The following CNTRL variants were observed in gnomAD, a reference collection of about 807,000 sequenced individuals.
The protein encoded by CNTRL is 110 kDa centrosomal protein.
In CNTRL, 233 loss-of-function variants were observed where a neutral mutation model predicts 303.7. That is an observed-to-expected ratio of 0.77 (90% CI 0.69 to 0.86). The LOEUF (loss-of-function observed/expected upper bound fraction) is 0.86. CNTRL is among the 40% of genes least tolerant of loss of function. The pLI is 0.00. For synonymous variants in CNTRL, 900 were observed against 922.2 expected (o/e 0.98, Z 0.44); for missense variants, 2,524 against 2,650.6 (o/e 0.95, Z 1.05).
chr9:121,148,988 G>T, intron 24 of CNTRL, 127 bp downstream of exon 24: 1 of 804,974 alleles, frequency 1.2e-6, no homozygotes. Flanking sequence ...CTGTGATCTG[G>T]TCTTGGCCAG....
intron 2 of CNTRL, among the ~76,000 whole-genome samples, chr9:121,085,300 T>A (rs1366606776): frequency 6.6e-6 from 1 of 152,224 alleles, no homozygotes; most frequent in South Asian, 2.1e-4. Flanking sequence ...TCTGGAAATA[T>A]TCTGTTTCTT....
At chr9:121,116,540 C>T (rs1170918024) in intron 11 of CNTRL, among the ~76,000 whole-genome samples, 2 of 152,182 alleles carry the variant, frequency 1.3e-5, no homozygotes, top group East Asian at 3.9e-4. Flanking sequence ...CCAGGCTGGT[C>T]TTGAACTCTT....
At chr9:121,086,905 G>C (rs904008303) in intron 2 of CNTRL, among the ~76,000 whole-genome samples, 1 of 151,992 alleles carries the variant, frequency 6.6e-6, no homozygotes, top group Admixed American at 6.6e-5. Context: ...CACCTGACTC[G>C]GCCTCCCAAA....
At chr9:121,100,604 C>T (rs996703589) in intron 7 of CNTRL, among the ~76,000 whole-genome samples, 6 of 152,180 alleles carry the variant, frequency 3.9e-5, no homozygotes, top group African/African-American at 1.2e-4. Flanking sequence ...AATTAAAAGA[C>T]GCAGACTGGC....
chr9:121,139,213 C>T (rs1230996881), intron 16 of CNTRL, among the ~76,000 whole-genome samples: 2 of 152,262 alleles, frequency 1.3e-5, no homozygotes, highest in Non-Finnish European at 1.5e-5. Flanking sequence ...CAGTAATCTG[C>T]TGAACAAACT....
At chr9:121,165,578 CTTG>C (rs1219744716) in intron 35 of CNTRL, among the ~76,000 whole-genome samples, 3 of 152,088 alleles carry the variant, frequency 2.0e-5, no homozygotes, top group Non-Finnish European at 4.4e-5. Flanking sequence ...TAATAATATA[CTTG>C]TTGAACATTT....
intron 27 of CNTRL, among the ~76,000 whole-genome samples, chr9:121,155,227 G>A (rs975464935): frequency 2.0e-5 from 3 of 152,094 alleles, no homozygotes; most frequent in African/African-American, 7.2e-5. Context: ...TCCTTATCCT[G>A]TGTGTATCTT....
rs2053464760 is a variant in CNTRL at position 121,175,091 on chromosome 9, T to C, written c.6821T>C (p.Leu2274Ser). The change falls in exon 43 of 44, where the codon TTA (leucine) becomes TCA (serine). Residue 2274 changes from leucine to serine, a missense_variant. Coordinates refer to ENST00000373855, the MANE Select transcript of CNTRL (RefSeq NM_007018.6). ...GGAAAGCGGCAGACAGAGGGCACTTTACACAGTTTGAGGAGACAAGTAGAT... is the reference window on the plus strand; with the variant it reads ...GGAAAGCGGCAGACAGAGGGCACTTCACACAGTTTGAGGAGACAAGTAGAT... Reference protein sequence around the residue: ...IKGKRQTEGTLHSLRRQVDAL... With the variant: ...IKGKRQTEGTSHSLRRQVDAL... 6.2e-7 allele frequency: 1 copy of C among 1,613,902 alleles called. No homozygotes were observed. The highest frequency in any genetic ancestry group is 8.5e-7 in the Non-Finnish European group (1 of 1,180,010).
chr9:121,125,744 GA>G lies in CNTRL; in HGVS notation c.1835del (p.Lys612ArgfsTer3), dbSNP rs1433431929. Reference sequence around the variant, plus strand: ...AGATAGCAGCAAATGAAGCCCTGAAGAAGGATTTAGAAGGTGTTATCAGTGG... The same window carrying G: ...AGATAGCAGCAAATGAAGCCCTGAAGAGGATTTAGAAGGTGTTATCAGTGG... ...GQIAANEALKKDLEGVISGLQ... is the reference protein window; with the variant it reads ...GQIAANEALKXDLEGVISGLQ... On this transcript the variant is annotated frameshift_variant, in exon 14 of 44. Coordinates refer to ENST00000373855, the MANE Select transcript of CNTRL (RefSeq NM_007018.6). LOFTEE classifies it high-confidence loss of function. 1 of 1,614,054 alleles carries G rather than the reference GA, an allele frequency of 6.2e-7. No homozygotes were observed. The highest frequency in any genetic ancestry group is 1.3e-5 in the African/African-American group (1 of 74,932).
Position 121,145,343 on chromosome 9 carries a change from G to GAGATTGCAAGGCTGC in CNTRL, c.3272_3286dup (p.Ile1091_Gln1095dup). The GAGATTGCAAGGCTGC allele has an allele frequency of 6.2e-7, 1 of 1,614,020 alleles. No homozygotes were observed. Among genetic ancestry groups the GAGATTGCAAGGCTGC allele is most frequent in the African/African-American group, 1.3e-5 (1 of 75,044 alleles). The stretch of plus-strand genomic sequence containing the variant: ...TGAGACAATGGAACGACAAAGGACA[G>GAGATTGCAAGGCTGC]AGATTGCAAGGCTGCAGAATGTACT... On this transcript the variant is annotated inframe_insertion, in exon 22 of 44. Transcript: ENST00000373855.
In CNTRL at chr9:121,158,966, G is replaced by A; in HGVS notation, c.4876G>A (p.Glu1626Lys). The A allele has an allele frequency of 6.2e-6, 10 of 1,614,178 alleles. No homozygotes were observed. The highest frequency in any genetic ancestry group is 8.5e-6 in the Non-Finnish European group (10 of 1,180,014). ...SMVQAKADLQ[E>K]ALRLGETEVT... ...GGTCCAGGCAAAAGCTGACCTCCAG[G>A]AAGCTCTGAGACTGGGAGAGACTGA... The change falls in exon 31 of 44, where the codon GAA becomes AAA. Residue 1626 changes from glutamate to lysine, a missense_variant. Transcript: ENST00000373855.
chr9:121,143,186 C>A (rs1177726523), intron 19 of CNTRL, among the ~76,000 whole-genome samples: 1 of 152,222 alleles, frequency 6.6e-6, no homozygotes, highest in Non-Finnish European at 1.5e-5. Context: ...TGCTTTCTCC[C>A]AGCCTCAGTG....
chr9:121,134,197 C>G (rs1244384635), intron 14 of CNTRL, among the ~76,000 whole-genome samples: 1 of 152,090 alleles, frequency 6.6e-6, no homozygotes, highest in African/African-American at 2.4e-5. Context: ...CTTCAACACA[C>G]ATTTTTTTAA....
At chr9:121,101,607 C>T (rs561058896) in intron 7 of CNTRL, among the ~76,000 whole-genome samples, 1 of 152,214 alleles carries the variant, frequency 6.6e-6, no homozygotes, top group Admixed American at 6.5e-5. Flanking sequence ...ATCAGTGAAT[C>T]CAGGAGCTGG....
At chr9:121,131,700 G>T (rs151166258) in intron 14 of CNTRL, among the ~76,000 whole-genome samples, 2 of 152,136 alleles carry the variant, frequency 1.3e-5, no homozygotes, top group African/African-American at 4.8e-5. Context: ...TATTTTGTCC[G>T]TTAGTTGATG....
chr9:121,153,172 C>T (rs549679699), intron 26 of CNTRL, among the ~76,000 whole-genome samples: 11 of 152,294 alleles, frequency 7.2e-5, no homozygotes, highest in African/African-American at 2.4e-4. Flanking sequence ...CTCATCCTAG[C>T]GATTGTAATA....
chr9:121,171,239 A>C (rs1337844675), intron 39 of CNTRL, 169 bp from the exon 40 acceptor site: 3 of 714,506 alleles, frequency 4.2e-6, no homozygotes. Context: ...ATATACGCCC[A>C]GCTGTATTTG....
chr9:121,102,293 C>A (rs910961887), intron 7 of CNTRL, among the ~76,000 whole-genome samples: 3 of 152,122 alleles, frequency 2.0e-5, no homozygotes, highest in Admixed American at 6.6e-5. Context: ...GAACCAAAGA[C>A]AAAACCATAT....
Position 121,150,547 on chromosome 9 carries a change from T to C in CNTRL, c.3963+64T>C, listed in dbSNP as rs2052170207. On this transcript the variant is annotated intron_variant, in intron 25 of 43. Coordinates refer to ENST00000373855, the MANE Select transcript of CNTRL (RefSeq NM_007018.6). ...TCCATGGGTGACTGATAAGGTTATA[T>C]ACTTAATGAGTTGACCTATTTATGA... The C allele has an allele frequency of 4.1e-6, 6 of 1,471,488 alleles. No individual in the cohort carries two copies. The East Asian group carries it at 7.0e-5, about 17-fold the overall frequency. The allele number at this position is 1,471,488 out of a possible 1,614,324, so 91.2% of individuals were successfully genotyped here. A position where few individuals can be genotyped will look rare whatever the true frequency, so the allele number is the denominator to read the frequency against.
Sources: allele counts gnomAD v4.1 joint callset (sites outside exome capture counted in the v4.1 genomes callset), GRCh38; gene constraint gnomAD v4.1.1; transcripts MANE v1.5; gene names NCBI Gene and HGNC (gene_info 2026-07-23, HGNC 2026-07-21).